Variants in ETV5 observed in about 807,000 individuals in gnomAD.
ETV5 encodes the protein ETS translocation variant 5.
A neutral mutation model predicts 70.0 loss-of-function variants in ETV5; 10 were observed. That is an observed-to-expected ratio of 0.14 (90% CI 0.09 to 0.24). The LOEUF is 0.24. Ranked by LOEUF, ETV5 falls within the 10% of genes least tolerant of loss-of-function variation. The pLI is 1.00. For missense variants in ETV5, 453 were observed against 651.2 expected (o/e 0.70, Z 3.31); for synonymous variants, 216 against 242.2 (o/e 0.89, Z 1.01).
intron 5 of ETV5, among the ~76,000 whole-genome samples, chr3:186,089,923 A>G (rs1284416401): frequency 6.6e-6 from 1 of 152,230 alleles, no homozygotes; most frequent in Non-Finnish European, 1.5e-5. Context: ...TATGTAGGAG[A>G]ATGTCAATCT....
chr3:186,079,973 G>A lies in ETV5; in HGVS notation c.494C>T (p.Ala165Val). The change falls in exon 7 of 13, where the codon GCA becomes GTA. Residue 165 changes from alanine to valine, a missense_variant. Ala to Val is a moderately conservative substitution (Grantham distance 64). This residue lies in a region of ETV5 where 307 missense variants were observed against 344.9 expected (regional missense o/e 0.89). Transcript: ENST00000306376. ...GCCCACACCTTGAACTGGGCCAGCT[G>A]CAGGGGCATGCCCTGAGGTGGGCAG... is the stretch of plus-strand genomic sequence containing the variant. Reference protein sequence around the residue: ...ATLPTSGHAPAAGPVQGVGPA... With the variant: ...ATLPTSGHAPVAGPVQGVGPA... 1 of 1,594,844 alleles carries A rather than the reference G, an allele frequency of 6.3e-7. No individual in the cohort carries two copies. The highest frequency in any genetic ancestry group is 8.5e-7 in the Non-Finnish European group (1 of 1,172,642).
chr3:186,056,944 C>T (rs1483452832), intron 11 of ETV5, 131 bp downstream of exon 11: 2 of 1,037,624 alleles, frequency 1.9e-6, no homozygotes. Context: ...GCCAAGCCCA[C>T]TGGCCAGGCC....
At chr3:186,061,994 C>G (rs916306942) in intron 9 of ETV5, among the ~76,000 whole-genome samples, 2 of 152,220 alleles carry the variant, frequency 1.3e-5, no homozygotes, top group Admixed American at 6.5e-5. Flanking sequence ...TAAAAAATGT[C>G]ATACCCTCCT....
At chr3:186,086,336 C>T (rs1036590795) in intron 5 of ETV5, among the ~76,000 whole-genome samples, 11 of 152,150 alleles carry the variant, frequency 7.2e-5, no homozygotes, top group African/African-American at 1.2e-4. Context: ...TATTAGACTA[C>T]GGAACTCCTT....
At chr3:186,099,765 G>A (rs1229023379) in intron 5 of ETV5, among the ~76,000 whole-genome samples, 1 of 152,154 alleles carries the variant, frequency 6.6e-6, no homozygotes, top group African/African-American at 2.4e-5. Context: ...GAAAGAGGAG[G>A]GGATAAATGG....
At chr3:186,059,360 C>T (rs535055417) in intron 9 of ETV5, among the ~76,000 whole-genome samples, 2 of 152,220 alleles carry the variant, frequency 1.3e-5, no homozygotes, top group South Asian at 2.1e-4. Flanking sequence ...GGTAGCCAGG[C>T]GAATGTAGAC....
At chr3:186,074,859 C>CAAAA (rs747453303) in intron 7 of ETV5, among the ~76,000 whole-genome samples, 5 of 76,450 alleles carry the variant, frequency 6.5e-5, no homozygotes, top group South Asian at 5.0e-4. Context: ...ACTCTGTCTC[C>CAAAA]AAAAAAAAAA....
rs1228992823 is a variant in ETV5, at chr3:186,054,615, A to T, written c.1209+2460T>A. Among the ~76,000 whole-genome samples, 1 of 152,190 alleles carries T rather than the reference A, an allele frequency of 6.6e-6. No homozygotes were observed. The highest frequency in any genetic ancestry group is 1.5e-5 in the Non-Finnish European group (1 of 68,046). On this transcript the variant is annotated intron_variant, in intron 11 of 12. Coordinates refer to ENST00000306376, the MANE Select transcript of ETV5 (RefSeq NM_004454.3). This position sits in a 1 kb window ranked among gnomAD's most constrained non-coding sequence, Gnocchi z 4.4. ...TTCTAAAACCACAATTTCCATGCAC[A>T]GTGTAATGGATATTATGGATAATTA...
rs190466878 is a variant in ETV5, at chr3:186,062,759, T to C, written c.970+1658A>G. On this transcript the variant is annotated intron_variant, in intron 9 of 12. Coordinates refer to ENST00000306376, the MANE Select transcript of ETV5 (RefSeq NM_004454.3). ...AATGTTCAATTTGAGTTAATGACTA[T>C]TGTTTAAAAAAAGACTATAAAACAA... Among the ~76,000 whole-genome samples, 187 of 152,354 alleles carry C rather than the reference T, an allele frequency of 1.2e-3. 4 individuals carry two copies. The highest frequency in any genetic ancestry group is 8.3e-4 in the South Asian group (4 of 4,832).
intron 9 of ETV5, chr3:186,064,165 T>G: frequency 1.8e-6 from 1 of 541,704 alleles, no homozygotes. Flanking sequence ...TCACAGGGCT[T>G]AGGGGCATGC....
At chr3:186,071,480 C>T (rs1713632322) in intron 7 of ETV5, among the ~76,000 whole-genome samples, 1 of 152,168 alleles carries the variant, frequency 6.6e-6, no homozygotes, top group Non-Finnish European at 1.5e-5. Flanking sequence ...AGTTATCTAA[C>T]CGCTCTGAAG....
intron 5 of ETV5, among the ~76,000 whole-genome samples, chr3:186,104,461 A>C (rs945317016): frequency 6.6e-6 from 1 of 152,158 alleles, no homozygotes; most frequent in African/African-American, 2.4e-5. Context: ...AGTAAGAGTA[A>C]ATCAGGCCAC....
chr3:186,060,442 T>TTGTGGC (rs1398202357), intron 9 of ETV5, among the ~76,000 whole-genome samples: 1 of 152,292 alleles, frequency 6.6e-6, no homozygotes, highest in East Asian at 1.9e-4. Context: ...GTGGCCACAA[T>TTGTGGC]CATCTAATCA....
chr3:186,086,399 G>A (rs1379582972), intron 5 of ETV5, among the ~76,000 whole-genome samples: 2 of 152,138 alleles, frequency 1.3e-5, no homozygotes, highest in African/African-American at 4.8e-5. Context: ...CCTAGCCAAT[G>A]CAATAAGGCA....
chr3:186,067,609 C>CAA (rs908859546), intron 7 of ETV5, among the ~76,000 whole-genome samples: 2 of 116,830 alleles, frequency 1.7e-5, no homozygotes, highest in African/African-American at 3.2e-5. Flanking sequence ...AAGACTGTCT[C>CAA]AAAAAAAAAA....
Position 186,048,527 on chromosome 3 carries a change from A to G in ETV5, c.*112T>C. On this transcript the variant is annotated 3_prime_UTR_variant, in exon 13 of 13. Coordinates refer to ENST00000306376, the MANE Select transcript of ETV5 (RefSeq NM_004454.3). ...AGACAGCTTGGGTTCTCCAGATAAT[A>G]CTCAAAGGGCAAGCTTTAGGAACAA... is the stretch of plus-strand genomic sequence containing the variant. 1.0e-6 allele frequency: 1 copy of G among 961,598 alleles called. No individual in the cohort carries two copies. The highest frequency in any genetic ancestry group is 1.6e-6 in the Non-Finnish European group (1 of 621,948). The allele number at this position is 961,598 out of a possible 1,614,324, so 59.6% of individuals were successfully genotyped here.
chr3:186,058,366 G>C (rs1203488389), intron 9 of ETV5, among the ~76,000 whole-genome samples: 1 of 152,176 alleles, frequency 6.6e-6, no homozygotes, highest in Non-Finnish European at 1.5e-5. Context: ...CTGTCTCAAG[G>C]TGTAAGGTCT....
chr3:186,078,849 C>A (rs556802135), intron 7 of ETV5, among the ~76,000 whole-genome samples: 4 of 152,108 alleles, frequency 2.6e-5, no homozygotes, highest in Admixed American at 6.5e-5. Context: ...CAGAACCAGA[C>A]AAAGGGACCT....
chr3:186,068,819 T>C (rs1713518279), intron 7 of ETV5, among the ~76,000 whole-genome samples: 1 of 152,196 alleles, frequency 6.6e-6, no homozygotes, highest in Admixed American at 6.5e-5. Flanking sequence ...GTGTGAACTC[T>C]CAGTCCATGA....
Sources: gnomAD v4.1 joint callset for allele counts (sites outside exome capture counted in the v4.1 genomes callset) on GRCh38, gnomAD v4.1.1 for gene constraint, gnomAD v4.1.1 regional missense constraint, Gnocchi (gnomAD v3.1) non-coding constraint, MANE v1.5 for transcripts, NCBI Gene and HGNC (gene_info 2026-07-23, HGNC 2026-07-21) for gene names.